GLIPR1L2: variants seen among roughly 807,000 people sequenced by gnomAD.
The protein encoded by GLIPR1L2 is GLIPR1-like protein 2.
In GLIPR1L2, 21 loss-of-function variants were observed where a neutral mutation model predicts 28.4. That is an observed-to-expected ratio of 0.74 (90% CI 0.52 to 1.06). The LOEUF is 1.06. GLIPR1L2 is among the 50% of genes least tolerant of loss of function. GLIPR1L2 has a pLI of 0.00. For synonymous variants in GLIPR1L2, 145 were observed against 139.3 expected (o/e 1.04, Z -0.29); for missense variants, 476 against 416.9 (o/e 1.14, Z -1.23).
chr12:75,407,186 T>A (rs1262809245), intron 1 of GLIPR1L2, among the ~76,000 whole-genome samples: 1 of 152,116 alleles, frequency 6.6e-6, no homozygotes. Context: ...AAATCCCCAC[T>A]TATCCTTGCT....
intron 1 of GLIPR1L2, among the ~76,000 whole-genome samples, chr12:75,406,812 G>A (rs979564856): frequency 6.7e-6 from 1 of 149,036 alleles, no homozygotes; most frequent in East Asian, 2.0e-4. Context: ...ATGCAAATAC[G>A]AGAGGGGCCT....
rs1177487316 is a variant in GLIPR1L2, at chr12:75,412,960, G to A, written c.481-638G>A. On this transcript the variant is annotated intron_variant, in intron 2 of 5. Coordinates refer to ENST00000550916, the MANE Select transcript of GLIPR1L2 (RefSeq NM_001270396.2). The stretch of plus-strand genomic sequence containing the variant: ...GGAACCAACCCAAATGTCCAACAAC[G>A]ATAGACTGGATTAAGAAAATGTGGC... Among the ~76,000 whole-genome samples the A allele has an allele frequency of 6.8e-4, 104 of 151,834 alleles. No individual in the cohort carries two copies. The East Asian group carries it at 0.016, about 24-fold the overall frequency.
chr12:75,430,103 T>G (rs1442884190), intron 4 of GLIPR1L2, among the ~76,000 whole-genome samples: 1 of 152,028 alleles, frequency 6.6e-6, no homozygotes, highest in Non-Finnish European at 1.5e-5. Context: ...CTTTGTAAAT[T>G]ACCCAGTCTC....
chr12:75,395,836 T>C (rs1436012769), intron 1 of GLIPR1L2, among the ~76,000 whole-genome samples: 1 of 151,966 alleles, frequency 6.6e-6, no homozygotes, highest in Non-Finnish European at 1.5e-5. Context: ...GTTCTGTTGA[T>C]TTTCTCTGTT....
chr12:75,408,522 A>G (rs4882620), intron 1 of GLIPR1L2, among the ~76,000 whole-genome samples: 48,807 of 151,914 alleles, frequency 0.32, 8,659 homozygotes, highest in East Asian at 0.46. Flanking sequence ...AGTGACTGCT[A>G]TGTAGTAAGA....
At position 75,391,144 on chromosome 12, in the gene GLIPR1L2, G is replaced by A; in HGVS notation, c.28G>A (p.Glu10Lys). MEAARPFAR[E>K]WRAQSLPLAV... ...GGAGGCCGCAAGGCCCTTCGCCCGG[G>A]AGTGGAGGGCCCAGTCCCTACCCCT... The change falls in exon 1 of 6, where the codon GAG becomes AAG. Residue 10 changes from glutamate to lysine, a missense_variant. Physicochemically the swap from Glu to Lys is moderately conservative, Grantham distance 56. Coordinates refer to ENST00000550916, the MANE Select transcript of GLIPR1L2 (RefSeq NM_001270396.2). 1.2e-6 allele frequency: 2 copies of A among 1,613,974 alleles called. No homozygotes were observed. The highest frequency in any genetic ancestry group is 1.3e-5 in the African/African-American group (1 of 75,056).
chr12:75,404,302 G>T (rs1376951226), intron 1 of GLIPR1L2, among the ~76,000 whole-genome samples: 1 of 152,010 alleles, frequency 6.6e-6, no homozygotes, highest in Non-Finnish European at 1.5e-5. Flanking sequence ...CTTAAAGGAG[G>T]TCTACTAAAA....
At chr12:75,423,137 G>A (rs1566077568) in intron 4 of GLIPR1L2, 148 bp downstream of exon 4, 1 of 1,522,806 alleles carries the variant, frequency 6.6e-7, no homozygotes, top group Non-Finnish European at 8.7e-7. Context: ...GGTTGACACA[G>A]TATCATCTTT....
In GLIPR1L2 at chr12:75,432,508, T is replaced by A. The variant is rs1304003578; in HGVS notation, c.*1347T>A. ...TGTTCTAAAGCTATATTTCTCAATGTGTGGTTCCACTGAGGGAAAGAAAAA... is the reference window on the plus strand; with the variant it reads ...TGTTCTAAAGCTATATTTCTCAATGAGTGGTTCCACTGAGGGAAAGAAAAA... On this transcript the variant is annotated 3_prime_UTR_variant, in exon 6 of 6. Transcript: ENST00000550916. The A allele has an allele frequency of 2.7e-5, 4 of 148,700 alleles. No individual in the cohort carries two copies. Among genetic ancestry groups the A allele is most frequent in the Non-Finnish European group, 6.0e-5 (4 of 66,890 alleles). The allele number at this position is 148,700 out of a possible 1,614,324, so 9.2% of individuals were successfully genotyped here. A position where few individuals can be genotyped will look rare whatever the true frequency, so the allele number is the denominator to read the frequency against.
chr12:75,396,372 C>A (rs979900467), intron 1 of GLIPR1L2, among the ~76,000 whole-genome samples: 1 of 152,138 alleles, frequency 6.6e-6, no homozygotes, highest in African/African-American at 2.4e-5. Flanking sequence ...CCATGTTGCC[C>A]AGGCTCGCAC....
At chr12:75,407,827 T>C (rs1158848531) in intron 1 of GLIPR1L2, among the ~76,000 whole-genome samples, 1 of 152,062 alleles carries the variant, frequency 6.6e-6, no homozygotes, top group African/African-American at 2.4e-5. Context: ...GAGAATTCTT[T>C]GGATTTTTCT....
intron 3 of GLIPR1L2, 31 bp downstream of exon 3, chr12:75,413,732 A>G: frequency 3.8e-6 from 4 of 1,054,374 alleles, no homozygotes; most frequent in South Asian, 1.8e-5. Flanking sequence ...AAAAGAATAT[A>G]AAAATCAGAA....
intron 1 of GLIPR1L2, among the ~76,000 whole-genome samples, chr12:75,406,772 AAAGAG>A (rs921979889): frequency 2.1e-5 from 3 of 141,146 alleles, no homozygotes; most frequent in Non-Finnish European, 4.6e-5. Flanking sequence ...AAAAAAAAAA[AAAGAG>A]AGAGAGAGAG....
At chr12:75,402,491 C>T (rs2045753074) in intron 1 of GLIPR1L2, among the ~76,000 whole-genome samples, 1 of 152,184 alleles carries the variant, frequency 6.6e-6, no homozygotes, top group African/African-American at 2.4e-5. Flanking sequence ...TATCAATATA[C>T]ATTGGACAGT....
At position 75,430,855 on chromosome 12, in the gene GLIPR1L2, G is replaced by C. The variant is rs1407043581; in HGVS notation, c.729G>C (p.Met243Ile). ...GATTTTGGTATCCAAAATGGGAAATGCCCCGGCCAGTTGTGTGTGATCCAC... is the reference window on the plus strand; with the variant it reads ...GATTTTGGTATCCAAAATGGGAAATCCCCCGGCCAGTTGTGTGTGATCCAC... ...YYRFWYPKWE[M>I]PRPVVCDPLC... is the part of the protein sequence containing the mutation. The change falls in exon 6 of 6, where the codon ATG (methionine) becomes ATC (isoleucine). Residue 243 changes from methionine (M) to isoleucine (I), a missense_variant. Transcript: ENST00000550916. 6.5e-7 allele frequency: 1 copy of C among 1,534,592 alleles called. No individual in the cohort carries two copies. The highest frequency in any genetic ancestry group is 1.4e-5 in the African/African-American group (1 of 73,118).
At position 75,431,363 on chromosome 12, in the gene GLIPR1L2, A is replaced by T; in HGVS notation, c.*202A>T. 2.2e-6 allele frequency: 1 copy of T among 458,162 alleles called. No homozygotes were observed. The highest frequency in any genetic ancestry group is 2.0e-5 in the African/African-American group (1 of 50,146). The allele number at this position is 458,162 out of a possible 1,614,324, so 28.4% of individuals were successfully genotyped here. A position where few individuals can be genotyped will look rare whatever the true frequency, so the allele number is the denominator to read the frequency against. ...TTTGTAAAACAAAGAAACAAAAAACATGTAAGGTGGGCTCTTTGACACTAA... is the reference window on the plus strand; with the variant it reads ...TTTGTAAAACAAAGAAACAAAAAACTTGTAAGGTGGGCTCTTTGACACTAA... On this transcript the variant is annotated 3_prime_UTR_variant, in exon 6 of 6. Transcript: ENST00000550916.
At chr12:75,400,697 T>C (rs1048272361) in intron 1 of GLIPR1L2, among the ~76,000 whole-genome samples, 6 of 152,186 alleles carry the variant, frequency 3.9e-5, no homozygotes, top group Admixed American at 1.3e-4. Context: ...AAAATATTCT[T>C]TAATGCGTGT....
intron 3 of GLIPR1L2, among the ~76,000 whole-genome samples, chr12:75,414,246 G>A (rs762275248): frequency 6.6e-6 from 1 of 151,936 alleles, no homozygotes; most frequent in Non-Finnish European, 1.5e-5. Flanking sequence ...GCCTTCAAAT[G>A]GTGGAAAATA....
At chr12:75,419,578 G>A (rs907694081) in intron 3 of GLIPR1L2, among the ~76,000 whole-genome samples, 12 of 152,160 alleles carry the variant, frequency 7.9e-5, no homozygotes, top group Non-Finnish European at 1.2e-4. Context: ...GAATAAGGAG[G>A]CATGATCTGA....
Sources: allele counts gnomAD v4.1 joint callset (sites outside exome capture counted in the v4.1 genomes callset), GRCh38; gene constraint gnomAD v4.1.1; transcripts MANE v1.5; gene names NCBI Gene and HGNC (gene_info 2026-07-23, HGNC 2026-07-21).